The following LRP1B variants were observed in gnomAD, a reference collection of about 807,000 sequenced individuals.
LRP1B encodes LDL receptor related protein 1B.
LRP1B carries 217 observed loss-of-function variants against 556.6 expected under a neutral mutation model. The observed-to-expected ratio is 0.39, with a 90% CI of 0.35 to 0.44. The LOEUF (loss-of-function observed/expected upper bound fraction) is 0.44. Among genes scored for constraint, LRP1B ranks in the 20% least tolerant of loss-of-function variants. LRP1B has a pLI of 1.00. For missense variants in LRP1B, 5,053 were observed against 5,620.8 expected (o/e 0.90, Z 3.23); for synonymous variants, 2,047 against 1,865.8 (o/e 1.10, Z -2.50).
chr2:140,842,797 C>T (rs2200488), intron 29 of LRP1B, among the ~76,000 whole-genome samples: 29,075 of 151,992 alleles, frequency 0.19, 3,163 homozygotes, highest in Non-Finnish European at 0.24. Flanking sequence ...GGTTGACTGC[C>T]TATTTTTGTC....
intron 1 of LRP1B, among the ~76,000 whole-genome samples, chr2:141,873,389 A>G (rs1698651649): frequency 6.6e-6 from 1 of 151,948 alleles, no homozygotes; most frequent in South Asian, 2.1e-4. Flanking sequence ...AACTCAACCT[A>G]TTTTTTGCAT....
At chr2:142,056,646 T>C (rs1227171387) in intron 1 of LRP1B, among the ~76,000 whole-genome samples, 1 of 152,108 alleles carries the variant, frequency 6.6e-6, no homozygotes, top group African/African-American at 2.4e-5. Context: ...TTTCTATAAA[T>C]ATCAGACAAC....
At chr2:140,949,769 T>C (rs12691584) in intron 20 of LRP1B, among the ~76,000 whole-genome samples, 87,973 of 150,280 alleles carry the variant, frequency 0.59, 27,617 homozygotes, top group Non-Finnish European at 0.68. Flanking sequence ...TGAAACCCCG[T>C]CCCTACTAAA....
intron 3 of LRP1B, among the ~76,000 whole-genome samples, chr2:141,349,411 T>G (rs1573841535): frequency 6.6e-6 from 1 of 151,998 alleles, no homozygotes; most frequent in East Asian, 1.9e-4. Context: ...AAAAAATCAA[T>G]ACGAAGGACC....
At chr2:141,499,041 A>G (rs1399768276) in intron 2 of LRP1B, among the ~76,000 whole-genome samples, 2 of 152,076 alleles carry the variant, frequency 1.3e-5, no homozygotes, top group African/African-American at 4.8e-5. Context: ...GATCTGAGAA[A>G]CTACAGAAGA....
intron 32 of LRP1B, among the ~76,000 whole-genome samples, chr2:140,777,555 A>G (rs1435676003): frequency 7.9e-5 from 12 of 152,350 alleles, no homozygotes. Context: ...CATCCATGAA[A>G]GATAAACAGT....
At chr2:140,286,532 G>T (rs1238891990) in intron 84 of LRP1B, among the ~76,000 whole-genome samples, 1 of 151,792 alleles carries the variant, frequency 6.6e-6, no homozygotes, top group Non-Finnish European at 1.5e-5. Context: ...CAAATTCCCA[G>T]AAATATGGCA....
At chr2:140,812,073 G>T (rs1342335851) in intron 32 of LRP1B, among the ~76,000 whole-genome samples, 2 of 152,052 alleles carry the variant, frequency 1.3e-5, no homozygotes, top group Non-Finnish European at 2.9e-5. Flanking sequence ...ATAGCAGAAG[G>T]ACAGTAGTTT....
intron 1 of LRP1B, among the ~76,000 whole-genome samples, chr2:141,826,236 T>A (rs964643183): frequency 6.6e-4 from 99 of 151,116 alleles, no homozygotes; most frequent in African/African-American, 2.4e-3. Flanking sequence ...TTGTTCTGTA[T>A]ATTCCCATTT....
intron 3 of LRP1B, among the ~76,000 whole-genome samples, chr2:141,361,361 C>T (rs894372795): frequency 2.0e-5 from 3 of 152,068 alleles, no homozygotes; most frequent in Admixed American, 1.3e-4. Flanking sequence ...CTCTTTCTCT[C>T]AGAATAGGTT....
intron 1 of LRP1B, among the ~76,000 whole-genome samples, chr2:141,913,364 C>T (rs1285924536): frequency 6.6e-6 from 1 of 152,128 alleles, no homozygotes; most frequent in Non-Finnish European, 1.5e-5. Flanking sequence ...CATTAAATAA[C>T]ATAAATGAAT....
At chr2:140,639,932 C>T (rs531888745) in intron 41 of LRP1B, among the ~76,000 whole-genome samples, 1 of 152,224 alleles carries the variant, frequency 6.6e-6, no homozygotes, top group African/African-American at 2.4e-5. Context: ...TGCTGTTCTT[C>T]CTGGAGCATT....
At chr2:140,710,471 T>C (rs1686992357) in intron 37 of LRP1B, among the ~76,000 whole-genome samples, 1 of 152,038 alleles carries the variant, frequency 6.6e-6, no homozygotes, top group South Asian at 2.1e-4. Flanking sequence ...GGTGAAGATA[T>C]TTTATTACTA....
rs891936752 is a variant in LRP1B at position 140,847,284 on chromosome 2, C to A, written c.4939+2818G>T. Among the ~76,000 whole-genome samples, 3 of 152,096 alleles carry A rather than the reference C, an allele frequency of 2.0e-5. No homozygotes were observed. In the South Asian group the frequency reaches 6.2e-4, roughly 32 times the overall value. ...GGCAAAGCTCTTCATGTTGTCATACCCTCCCTGAAGCACTTCCTTAATTCC... is the reference window on the plus strand; with the variant it reads ...GGCAAAGCTCTTCATGTTGTCATACACTCCCTGAAGCACTTCCTTAATTCC... On this transcript the variant is annotated intron_variant, in intron 29 of 90. Coordinates refer to ENST00000389484, the MANE Select transcript of LRP1B (RefSeq NM_018557.3).
chr2:140,540,839 G>T (rs987928110), intron 45 of LRP1B, 134 bp downstream of exon 45: 25 of 1,015,758 alleles, frequency 2.5e-5, no homozygotes, highest in Non-Finnish European at 3.3e-5. Flanking sequence ...TTTCTTTAGA[G>T]CAGAGAGATA....
chr2:141,357,561 A>C (rs72979044), intron 3 of LRP1B, among the ~76,000 whole-genome samples: 6,749 of 152,258 alleles, frequency 0.044, 230 homozygotes, highest in African/African-American at 0.082. Flanking sequence ...AGAAATAATA[A>C]TCTAATTGTT....
intron 7 of LRP1B, among the ~76,000 whole-genome samples, chr2:141,130,016 A>G (rs1376610141): frequency 6.6e-6 from 1 of 152,052 alleles, no homozygotes; most frequent in Non-Finnish European, 1.5e-5. Flanking sequence ...ATGGATACAG[A>G]ATTTAACCAT....
In LRP1B at chr2:140,702,124, A is replaced by G. The variant is rs766646198; in HGVS notation, c.6302+17T>C. 7 of 1,610,488 alleles carry G rather than the reference A, an allele frequency of 4.3e-6. No individual in the cohort carries two copies. Among genetic ancestry groups the G allele is most frequent in the Middle Eastern group, 1.7e-4 (1 of 6,022 alleles). Reference sequence around the variant, plus strand: ...ATAACATTTTGAGACTCAAATACTTATGAAAAAATAAATTACCTGTCAGAC... The same window carrying G: ...ATAACATTTTGAGACTCAAATACTTGTGAAAAAATAAATTACCTGTCAGAC... On this transcript the variant is annotated intron_variant, in intron 39 of 90. Coordinates refer to ENST00000389484, the MANE Select transcript of LRP1B (RefSeq NM_018557.3).
At chr2:141,894,566 A>C (rs1699382709) in intron 1 of LRP1B, among the ~76,000 whole-genome samples, 1 of 152,056 alleles carries the variant, frequency 6.6e-6, no homozygotes, top group Admixed American at 6.5e-5. Context: ...CAGTAAAACC[A>C]TGAAGGAAGC....
Sources: gnomAD v4.1 joint callset for allele counts (sites outside exome capture counted in the v4.1 genomes callset) on GRCh38, gnomAD v4.1.1 for gene constraint, MANE v1.5 for transcripts, NCBI Gene and HGNC (gene_info 2026-07-23, HGNC 2026-07-21) for gene names.